The following POLA1 variants were observed in gnomAD, a reference collection of about 807,000 sequenced individuals.
POLA1 encodes DNA polymerase alpha 1, catalytic subunit, also known as DNA polymerase alpha catalytic subunit.
POLA1 carries 15 observed loss-of-function variants against 124.0 expected under a neutral mutation model. That is an observed-to-expected ratio of 0.12 (90% CI 0.08 to 0.19). The LOEUF is 0.19. Ranked by LOEUF, POLA1 falls within the 10% of genes least tolerant of loss-of-function variation. The pLI, the probability that POLA1 is intolerant of heterozygous loss-of-function variation, is 1.00. For synonymous variants in POLA1, 408 were observed against 389.4 expected, an observed-to-expected ratio of 1.05 and a Z score of -0.56; for missense variants, 886 against 1,103.4, an observed-to-expected ratio of 0.80 and a Z score of 2.79.
intron 36 of POLA1, among the ~76,000 whole-genome samples, chrX:24,959,893 A>G (rs2048150551): frequency 1.8e-5 from 2 of 111,406 alleles, no homozygotes; most frequent in Admixed American, 9.5e-5. Context: ...TTATATTTCT[A>G]CTGGGCCGCA....
At chrX:24,859,964 C>T (rs960937607) in intron 34 of POLA1, among the ~76,000 whole-genome samples, 2 of 112,663 alleles carry the variant, frequency 1.8e-5, no homozygotes, top group Non-Finnish European at 3.7e-5. Flanking sequence ...TACACATACA[C>T]ATATTTTGCA....
rs190597930 is a variant in POLA1, at chrX:24,822,661, A to G, written c.3561+1078A>G. Among the ~76,000 whole-genome samples, 194 of 112,390 alleles carry G rather than the reference A, an allele frequency of 1.7e-3. 1 individual carries two copies. Among genetic ancestry groups the G allele is most frequent in the Non-Finnish European group, 2.4e-3 (129 of 53,252 alleles). On this transcript the variant is annotated intron_variant, in intron 31 of 36. Transcript: ENST00000379068. The stretch of plus-strand genomic sequence containing the variant: ...GATTAAGAACTGTTACAGAAAGCCA[A>G]TTCCTGCAGGAAAATATTTCCATAA...
chrX:24,920,832 C>T (rs1471773769), intron 35 of POLA1, among the ~76,000 whole-genome samples: 1 of 112,253 alleles, frequency 8.9e-6, no homozygotes, highest in Non-Finnish European at 1.9e-5. Context: ...CATTAAGCCC[C>T]TCCTTTGGCA....
intron 35 of POLA1, among the ~76,000 whole-genome samples, chrX:24,928,812 C>CT (rs973552811): frequency 1.8e-5 from 2 of 111,381 alleles, no homozygotes; most frequent in Non-Finnish European, 3.8e-5. Flanking sequence ...CTAAAAATAA[C>CT]TGGTGTATAA....
intron 29 of POLA1, 149 bp from the exon 30 acceptor site, chrX:24,814,830 G>T: frequency 2.1e-6 from 1 of 479,400 alleles, no homozygotes; most frequent in Non-Finnish European, 3.1e-6. Context: ...CCGCCTTTTC[G>T]ACATTAACCC....
At chrX:24,912,605 A>G (rs187703478) in intron 35 of POLA1, among the ~76,000 whole-genome samples, 29 of 111,516 alleles carry the variant, frequency 2.6e-4, no homozygotes, top group Admixed American at 2.5e-3. Context: ...ATGTGAAAAG[A>G]TGTTTAACAT....
chrX:24,729,458 A>G (rs1366844234), intron 15 of POLA1, among the ~76,000 whole-genome samples: 1 of 112,229 alleles, frequency 8.9e-6, no homozygotes, highest in African/African-American at 3.2e-5. Flanking sequence ...TTTCATTAGA[A>G]GTCGTAAAAT....
chrX:24,728,550 A>G (rs1930687877), intron 15 of POLA1, among the ~76,000 whole-genome samples: 1 of 111,925 alleles, frequency 8.9e-6, no homozygotes, highest in African/African-American at 3.3e-5. Flanking sequence ...AATCTCTTTT[A>G]AACAGGAAGA....
At chrX:24,852,807 T>C (rs2046583434) in intron 34 of POLA1, among the ~76,000 whole-genome samples, 1 of 111,762 alleles carries the variant, frequency 8.9e-6, no homozygotes. Context: ...ACCATTCAAG[T>C]GCTCATGGTT....
chrX:24,982,135 C>A (rs1198522282), intron 36 of POLA1, among the ~76,000 whole-genome samples: 1 of 109,105 alleles, frequency 9.2e-6, no homozygotes, highest in South Asian at 4.0e-4. Flanking sequence ...CAGCGAATTG[C>A]TTTTAAAGTG....
chrX:24,699,282 G>A (rs1182313595), intron 1 of POLA1, 143 bp from the exon 2 acceptor site: 5 of 403,466 alleles, frequency 1.2e-5, no homozygotes, highest in Non-Finnish European at 1.2e-5. Flanking sequence ...TGAGCTTTGT[G>A]AATTATTTAC....
At chrX:24,890,328 C>T (rs530293831) in intron 35 of POLA1, among the ~76,000 whole-genome samples, 5 of 110,914 alleles carry the variant, frequency 4.5e-5, no homozygotes, top group African/African-American at 1.6e-4. Flanking sequence ...CCTTGTGATC[C>T]ACCTGTCTCG....
intron 36 of POLA1, among the ~76,000 whole-genome samples, chrX:24,946,259 C>A (rs1054053100): frequency 9.0e-6 from 1 of 111,154 alleles, no homozygotes; most frequent in Non-Finnish European, 1.9e-5. Context: ...AGCAGCCTTC[C>A]GCAACTTTAT....
chrX:24,959,387 C>G (rs1310459295), intron 36 of POLA1, among the ~76,000 whole-genome samples: 1 of 109,749 alleles, frequency 9.1e-6, no homozygotes, highest in Non-Finnish European at 1.9e-5. Flanking sequence ...TCACTTGAAC[C>G]CAGGATGTGG....
chrX:24,726,908 A>G, intron 13 of POLA1, 25 bp from the exon 14 acceptor site: 4 of 1,127,203 alleles, frequency 3.5e-6, no homozygotes, highest in Non-Finnish European at 4.8e-6. Context: ...AAACAAAAAG[A>G]TTCTTTTTTT....
At chrX:24,694,786 T>C (rs773494887) in intron 1 of POLA1, among the ~76,000 whole-genome samples, 1 of 112,698 alleles carries the variant, frequency 8.9e-6, no homozygotes, top group African/African-American at 3.2e-5. Flanking sequence ...TGCTTCACTT[T>C]GTTAGCTCAA....
At chrX:24,806,135 A>G (rs1160174054) in intron 26 of POLA1, among the ~76,000 whole-genome samples, 1 of 85,751 alleles carries the variant, frequency 1.2e-5, no homozygotes, top group African/African-American at 4.6e-5. Context: ...CATAATGAAA[A>G]GAAAGTGAAA....
chrX:24,964,706 A>C (rs1053827792), intron 36 of POLA1, among the ~76,000 whole-genome samples: 3 of 112,632 alleles, frequency 2.7e-5, no homozygotes, highest in African/African-American at 9.7e-5. Flanking sequence ...CATATGGTTC[A>C]AGTCTCATAA....
intron 26 of POLA1, among the ~76,000 whole-genome samples, chrX:24,778,469 G>C (rs955309717): frequency 8.9e-6 from 1 of 111,833 alleles, no homozygotes; most frequent in Non-Finnish European, 1.9e-5. Flanking sequence ...CACCTCAAGT[G>C]ATCTGCCCGC....
Sources: gnomAD v4.1 joint callset for allele counts (sites outside exome capture counted in the v4.1 genomes callset) on GRCh38, gnomAD v4.1.1 for gene constraint, MANE v1.5 for transcripts, NCBI Gene and HGNC (gene_info 2026-07-23, HGNC 2026-07-21) for gene names.